The following ZFAND4 variants were observed in gnomAD, a reference collection of about 807,000 sequenced individuals.
The protein encoded by ZFAND4 is zinc finger AN1-type containing 4, also known as AN1-type zinc finger protein 4.
Under a neutral mutation model 64.4 loss-of-function variants are expected in ZFAND4, and 43 were observed. That is an observed-to-expected ratio of 0.67 (90% CI 0.52 to 0.86). ZFAND4 has a LOEUF of 0.86. Among genes scored for constraint, ZFAND4 ranks in the 40% least tolerant of loss-of-function variants. The pLI, the probability that ZFAND4 is intolerant of heterozygous loss-of-function variation, is 0.00. For synonymous variants in ZFAND4, 296 were observed against 305.7 expected (o/e 0.97, Z 0.33); for missense variants, 929 against 859.8 (o/e 1.08, Z -1.01).
chr10:45,630,052 T>C (rs1162384137), intron 6 of ZFAND4, among the ~76,000 whole-genome samples: 2 of 151,826 alleles, frequency 1.3e-5, no homozygotes, highest in African/African-American at 2.4e-5. Flanking sequence ...AATAAAATTA[T>C]AGAAAATACA....
rs747986239 is a variant in ZFAND4, at chr10:45,648,425, T to C, written c.438A>G (p.Gln146=). ...CSKQVTFLVY[Q]EGDQLNFFPA... is the part of the protein sequence containing the mutation. The stretch of plus-strand genomic sequence containing the variant: ...GAAAGAAATTCAATTGATCTCCTTC[T>C]TGGTATACCAAAAATGTAACTTGTT... Residue 146 remains glutamine (Q), a synonymous_variant, in exon 5 of 10, where the codon CAA becomes CAG. Transcript: ENST00000344646. 3.1e-6 allele frequency: 5 copies of C among 1,613,950 alleles called. No homozygotes were observed. The highest frequency in any genetic ancestry group is 1.3e-5 in the African/African-American group (1 of 74,936).
At chr10:45,643,706 G>A (rs1400986386) in intron 5 of ZFAND4, among the ~76,000 whole-genome samples, 1 of 151,168 alleles carries the variant, frequency 6.6e-6, no homozygotes, top group Non-Finnish European at 1.5e-5. Context: ...CAGTAAGGTG[G>A]CATGATCCAC....
At chr10:45,653,670 C>A (rs530823451) in intron 2 of ZFAND4, among the ~76,000 whole-genome samples, 1 of 152,142 alleles carries the variant, frequency 6.6e-6, no homozygotes, top group Non-Finnish European at 1.5e-5. Context: ...CAAAAAATAA[C>A]TGATGTTGTC....
intron 6 of ZFAND4, among the ~76,000 whole-genome samples, chr10:45,629,778 G>A (rs555431496): frequency 2.8e-4 from 43 of 152,074 alleles, no homozygotes; most frequent in Non-Finnish European, 6.0e-4. Context: ...TGGGAGGATC[G>A]CTTGAGCTCA....
chr10:45,643,778 AAC>A (rs1409825978), intron 5 of ZFAND4, among the ~76,000 whole-genome samples: 1 of 152,122 alleles, frequency 6.6e-6, no homozygotes, highest in Admixed American at 6.6e-5. Flanking sequence ...GAAACAAATT[AAC>A]ACTCAATTCT....
In ZFAND4 at chr10:45,648,512, C is replaced by CCT. The variant is rs1280545673; in HGVS notation, c.349_350dup (p.Lys118GlyfsTer35). The CCT allele has an allele frequency of 1.2e-6, 2 of 1,609,014 alleles. No individual in the cohort carries two copies. Among genetic ancestry groups the CCT allele is most frequent in the African/African-American group, 2.7e-5 (2 of 74,686 alleles). ...TGGAATCCAAGTACTCTGCCATCTT[C>CCT]CTAAGTGGATCGTCTGTAGGAACTA... is the stretch of plus-strand genomic sequence containing the variant. On this transcript the variant is annotated frameshift_variant, in exon 5 of 10. Coordinates refer to ENST00000344646, the MANE Select transcript of ZFAND4 (RefSeq NM_174890.4). LOFTEE classifies it high-confidence loss of function.
chr10:45,648,827 C>T, intron 4 of ZFAND4: 1 of 641,052 alleles, frequency 1.6e-6, no homozygotes, highest in Non-Finnish European at 1.9e-6. Context: ...TATTTTTTCC[C>T]TATGTCACTA....
intron 5 of ZFAND4, among the ~76,000 whole-genome samples, chr10:45,642,595 G>A (rs1169395698): frequency 1.4e-5 from 2 of 142,248 alleles, no homozygotes; most frequent in African/African-American, 2.6e-5. Context: ...GCGACAGAGT[G>A]AGACTCCATC....
chr10:45,666,345 A>C (rs2133870135), intron 1 of ZFAND4, among the ~76,000 whole-genome samples: 1 of 152,310 alleles, frequency 6.6e-6, no homozygotes, highest in Middle Eastern at 3.4e-3. Context: ...GGCCATTTGC[A>C]TACATTCTTT....
At position 45,622,381 on chromosome 10, in the gene ZFAND4, A is replaced by G. The variant is rs1249520660; in HGVS notation, c.1927+2202T>C. 2.0e-5 allele frequency among the ~76,000 whole-genome samples: 3 copies of G among 152,224 alleles called. No homozygotes were observed. The South Asian group carries it at 6.2e-4, about 32-fold the overall frequency. ...ACCTAAACATAAGACCTAAAACTAT[A>G]AAACTTCTAGAAGAAAAGATAGGGG... On this transcript the variant is annotated intron_variant, in intron 8 of 9. Transcript: ENST00000344646.
intron 6 of ZFAND4, among the ~76,000 whole-genome samples, chr10:45,631,227 G>C (rs1374917810): frequency 6.6e-6 from 1 of 150,408 alleles, no homozygotes; most frequent in Non-Finnish European, 1.5e-5. Flanking sequence ...AGAGGCGGGA[G>C]AATGGCGTGA....
In ZFAND4 at chr10:45,626,807, G is replaced by A. The variant is rs750631033; in HGVS notation, c.1016C>T (p.Pro339Leu). The A allele has an allele frequency of 6.2e-7, 1 of 1,614,238 alleles. No homozygotes were observed. The highest frequency in any genetic ancestry group is 1.3e-5 in the African/African-American group (1 of 75,066). Residue 339 changes from proline (P) to leucine (L), a missense_variant, in exon 7 of 10, where the codon CCT becomes CTT. Coordinates refer to ENST00000344646, the MANE Select transcript of ZFAND4 (RefSeq NM_174890.4). ...SHFSSNVKLP[P>L]QIPHLELGND... ...TCCCAACTCCAAATGGGGTATCTGA[G>A]GAGGTAGTTTGACGTTGCTACTGAA...
At chr10:45,671,602 T>A (rs112149150) in intron 1 of ZFAND4, among the ~76,000 whole-genome samples, 9,190 of 152,180 alleles carry the variant, frequency 0.06, 410 homozygotes, top group African/African-American at 0.13. Context: ...AACACCGCCA[T>A]GTTCTCACTC....
chr10:45,624,500 C>A, intron 8 of ZFAND4, 83 bp downstream of exon 8: 2 of 1,273,268 alleles, frequency 1.6e-6, no homozygotes, highest in Non-Finnish European at 2.3e-6. Context: ...AAGGTTCTTC[C>A]CATTTCTCTT....
intron 5 of ZFAND4, among the ~76,000 whole-genome samples, chr10:45,644,321 T>A (rs1167029696): frequency 6.6e-6 from 1 of 152,232 alleles, no homozygotes; most frequent in Non-Finnish European, 1.5e-5. Context: ...TATAATGCAG[T>A]GACACTATAG....
At chr10:45,640,205 T>G in intron 5 of ZFAND4, 2 of 1,244,128 alleles carry the variant, frequency 1.6e-6, no homozygotes, top group Non-Finnish European at 2.0e-6. Flanking sequence ...TTCTCTGAAT[T>G]CAGTATATCA....
chr10:45,621,541 G>C (rs926387273), intron 8 of ZFAND4, among the ~76,000 whole-genome samples: 1 of 151,890 alleles, frequency 6.6e-6, no homozygotes, highest in Non-Finnish European at 1.5e-5. Flanking sequence ...AGGAGATCGA[G>C]ACCATCCTGG....
intron 5 of ZFAND4, among the ~76,000 whole-genome samples, chr10:45,646,454 A>G (rs1159685049): frequency 6.6e-6 from 1 of 152,212 alleles, no homozygotes; most frequent in Non-Finnish European, 1.5e-5. Context: ...TTCCTTGTCC[A>G]ATTATTGTAG....
At chr10:45,638,638 A>C (rs2046786614) in intron 6 of ZFAND4, among the ~76,000 whole-genome samples, 1 of 152,216 alleles carries the variant, frequency 6.6e-6, no homozygotes, top group African/African-American at 2.4e-5. Flanking sequence ...ATGTCCACCA[A>C]AGAATGTATG....
Sources: allele counts gnomAD v4.1 joint callset (sites outside exome capture counted in the v4.1 genomes callset), GRCh38; gene constraint gnomAD v4.1.1; transcripts MANE v1.5; gene names NCBI Gene and HGNC (gene_info 2026-07-23, HGNC 2026-07-21).